OTOA: variants seen among roughly 807,000 people sequenced by gnomAD.
OTOA encodes otoancorin.
OTOA carries 70 observed loss-of-function variants against 110.8 expected under a neutral mutation model. The ratio of observed to expected loss-of-function variants is 0.63; its 90% confidence interval spans 0.52 to 0.77. OTOA has a LOEUF of 0.77. Among genes scored for constraint, OTOA ranks in the 30% least tolerant of loss-of-function variants. The probability of loss-of-function intolerance (pLI) is 0.00; values close to 1 mark genes in which losing one functional copy is unlikely to be tolerated. For missense variants in OTOA, 917 were observed against 1,075.8 expected (o/e 0.85, Z 2.06); for synonymous variants, 373 against 431.5 (o/e 0.86, Z 1.68).
Position 21,678,902 on chromosome 16 carries a change from G to T in OTOA, c.92-13G>T. On this transcript the variant is annotated splice_polypyrimidine_tract_variant and intron_variant, in intron 2 of 28. Coordinates refer to ENST00000646100, the MANE Select transcript of OTOA (RefSeq NM_144672.4). ...ATTCAATTCTAGTTATACATTCAAT[G>T]GCTTTCTTACAGATTTGCATCCATT... The T allele has an allele frequency of 1.9e-6, 3 of 1,612,454 alleles. No individual in the cohort carries two copies. The highest frequency in any genetic ancestry group is 1.7e-6 in the Non-Finnish European group (2 of 1,179,706).
At chr16:21,711,503 C>T (rs1242826962) in intron 13 of OTOA, among the ~76,000 whole-genome samples, 1 of 152,066 alleles carries the variant, frequency 6.6e-6, no homozygotes, top group African/African-American at 2.4e-5. Context: ...GAGTCTTGCC[C>T]TTGTCGCCCA....
intron 13 of OTOA, among the ~76,000 whole-genome samples, chr16:21,711,840 T>A (rs1187379836): frequency 6.6e-6 from 1 of 152,184 alleles, no homozygotes; most frequent in Non-Finnish European, 1.5e-5. Context: ...AGGATTGGAT[T>A]AGGACCCATT....
intron 20 of OTOA, among the ~76,000 whole-genome samples, chr16:21,729,240 T>G (rs1221365409): frequency 2.0e-5 from 3 of 152,132 alleles, no homozygotes; most frequent in Non-Finnish European, 4.4e-5. Flanking sequence ...TTTCACCATG[T>G]TGCCTAGGTG....
At chr16:21,719,982 G>A (rs1288513152) in intron 17 of OTOA, among the ~76,000 whole-genome samples, 1 of 148,562 alleles carries the variant, frequency 6.7e-6, no homozygotes, top group Non-Finnish European at 1.5e-5. Flanking sequence ...TTGAGACACA[G>A]TCTTGCCCTG....
chr16:21,751,566 A>G (rs561411933), intron 24 of OTOA, among the ~76,000 whole-genome samples: 1 of 99,148 alleles, frequency 1.0e-5, no homozygotes, highest in South Asian at 3.4e-4. Flanking sequence ...CGTTGTGGAA[A>G]AAGATGCTGG....
At chr16:21,727,861 CTT>C (rs1247263694) in intron 19 of OTOA, among the ~76,000 whole-genome samples, 18 of 133,802 alleles carry the variant, frequency 1.3e-4, no homozygotes, top group Admixed American at 1.5e-4. Context: ...GGGATCGGAA[CTT>C]TTTTTTTTTT....
intron 12 of OTOA, 80 bp from the exon 13 acceptor site, chr16:21,709,808 C>T: frequency 8.0e-7 from 1 of 1,256,850 alleles, no homozygotes; most frequent in South Asian, 1.2e-5. Context: ...GCTGTGGAGT[C>T]CTAATAGCCC....
chr16:21,725,826 T>C (rs1898896939), intron 18 of OTOA, among the ~76,000 whole-genome samples: 1 of 152,156 alleles, frequency 6.6e-6, no homozygotes, highest in East Asian at 1.9e-4. Flanking sequence ...ATGAAAGAAA[T>C]TATACACTGA....
chr16:21,668,530 G>A (rs978754464), intron 1 of OTOA, among the ~76,000 whole-genome samples: 3 of 145,104 alleles, frequency 2.1e-5, no homozygotes, highest in African/African-American at 5.2e-5. Flanking sequence ...GGATGATCTC[G>A]GGTCACTGCA....
At chr16:21,671,715 A>G (rs1442217586) in intron 1 of OTOA, among the ~76,000 whole-genome samples, 1 of 151,884 alleles carries the variant, frequency 6.6e-6, no homozygotes, top group Non-Finnish European at 1.5e-5. Context: ...ATGCTTTTCC[A>G]TTTCTGTTTG....
chr16:21,700,305 GA>G (rs1298598308), intron 10 of OTOA, among the ~76,000 whole-genome samples: 1 of 152,078 alleles, frequency 6.6e-6, no homozygotes, highest in Non-Finnish European at 1.5e-5. Context: ...AACAAATCTA[GA>G]AATAAATGTG....
chr16:21,755,908 C>T (rs1404346460), intron 27 of OTOA, among the ~76,000 whole-genome samples: 6 of 152,258 alleles, frequency 3.9e-5, no homozygotes, highest in Non-Finnish European at 8.8e-5. Context: ...AATATTGGCA[C>T]CCACTCTCCT....
rs370212496 is a variant in OTOA, at chr16:21,676,248, A to G, written c.-4-2263A>G. ...TGATAATTTTTGATTAGATCTGGAC[A>G]CTTCGGATTTTACATTGCTGGATTT... On this transcript the variant is annotated intron_variant, in intron 1 of 28. Transcript: ENST00000646100. Among the ~76,000 whole-genome samples the G allele has an allele frequency of 1.1e-4, 16 of 151,434 alleles. No homozygotes were observed. The East Asian group carries it at 2.1e-3, about 20-fold the overall frequency.
At chr16:21,737,877 C>T (rs1299246461) in intron 22 of OTOA, among the ~76,000 whole-genome samples, 1 of 152,312 alleles carries the variant, frequency 6.6e-6, no homozygotes, top group Admixed American at 6.5e-5. Context: ...TGGGGCCAGG[C>T]ATGAGGAGAC....
At chr16:21,758,727 A>G (rs1341109384) in intron 28 of OTOA, among the ~76,000 whole-genome samples, 1 of 150,800 alleles carries the variant, frequency 6.6e-6, no homozygotes, top group Non-Finnish European at 1.5e-5. Context: ...GAGGCTGGGC[A>G]CATTGGCTCA....
In OTOA at chr16:21,687,965, C is replaced by T. The variant is rs8047688; in HGVS notation, c.635+317C>T. On this transcript the variant is annotated intron_variant, in intron 8 of 28. Coordinates refer to ENST00000646100, the MANE Select transcript of OTOA (RefSeq NM_144672.4). ...GGGCATGAGCCACTGCACCCAGCCACTCCCACCTTCTTAACTCATCACAGT... is the reference window on the plus strand; with the variant it reads ...GGGCATGAGCCACTGCACCCAGCCATTCCCACCTTCTTAACTCATCACAGT... 0.019 allele frequency among the ~76,000 whole-genome samples: 2,931 copies of T among 152,160 alleles called. 75 individuals carry two copies. Among genetic ancestry groups the T allele is most frequent in the East Asian group, 0.056 (290 of 5,152 alleles).
intron 9 of OTOA, among the ~76,000 whole-genome samples, chr16:21,695,143 T>C (rs1305026125): frequency 3.3e-5 from 5 of 151,968 alleles, no homozygotes; most frequent in African/African-American, 1.2e-4. Context: ...CTTACACCTC[T>C]AATCCTAGCA....
Position 21,705,454 on chromosome 16 carries a change from A to T in OTOA, c.1104+162A>T, listed in dbSNP as rs1009652226. 9.4e-6 allele frequency: 10 copies of T among 1,062,524 alleles called. No homozygotes were observed. In the African/African-American group the frequency reaches 1.4e-4, roughly 15 times the overall value. 65.8% of individuals were successfully genotyped at this position (1,062,524 alleles called of 1,614,324 possible). On this transcript the variant is annotated intron_variant, in intron 12 of 28. Coordinates refer to ENST00000646100, the MANE Select transcript of OTOA (RefSeq NM_144672.4). ...CATCTCAAATACTGAGGTAAGTGTA[A>T]CATCGAAGCCCAGACAGAAAATAGC...
intron 19 of OTOA, chr16:21,726,983 G>C (rs1898938449): frequency 2.8e-6 from 1 of 354,778 alleles, no homozygotes; most frequent in Non-Finnish European, 5.4e-6. Flanking sequence ...TCATCTGTAA[G>C]GTGGGGGGAG....
Sources: allele counts gnomAD v4.1 joint callset (sites outside exome capture counted in the v4.1 genomes callset), GRCh38; gene constraint gnomAD v4.1.1; transcripts MANE v1.5; gene names NCBI Gene and HGNC (gene_info 2026-07-23, HGNC 2026-07-21).